The following RNGTT variants were observed in gnomAD, a reference collection of about 807,000 sequenced individuals.
RNGTT encodes the protein RNA guanylyltransferase and 5'-phosphatase.
In RNGTT, 33 loss-of-function variants were observed where a neutral mutation model predicts 79.3. That is an observed-to-expected ratio of 0.42 (90% confidence interval 0.32 to 0.56). RNGTT has a LOEUF of 0.56. Among genes scored for constraint, RNGTT ranks in the 20% least tolerant of loss-of-function variants. The probability of loss-of-function intolerance (pLI) is 0.17; values close to 1 mark genes in which losing one functional copy is unlikely to be tolerated. For synonymous variants in RNGTT, 222 were observed against 235.9 expected (o/e 0.94, Z 0.54); for missense variants, 497 against 739.1 (o/e 0.67, Z 3.80).
chr6:88,734,491 T>C (rs1406849), intron 13 of RNGTT, among the ~76,000 whole-genome samples: 19,773 of 152,180 alleles, frequency 0.13, 1,454 homozygotes, highest in Middle Eastern at 0.23. Context: ...TCACTTCAAC[T>C]GTTAAGGACC....
chr6:88,623,943 T>C (rs547917290), intron 14 of RNGTT, among the ~76,000 whole-genome samples: 1 of 152,130 alleles, frequency 6.6e-6, no homozygotes, highest in Admixed American at 6.5e-5. Context: ...AATTTCTATA[T>C]ACCAACAATG....
chr6:88,722,801 C>T (rs1776749593), intron 13 of RNGTT, among the ~76,000 whole-genome samples: 1 of 152,104 alleles, frequency 6.6e-6, no homozygotes, highest in South Asian at 2.1e-4. Flanking sequence ...CAAAGGTGGT[C>T]CCATAAGATT....
intron 11 of RNGTT, among the ~76,000 whole-genome samples, chr6:88,804,835 C>T (rs61659651): frequency 0.068 from 10,272 of 152,152 alleles, 1,157 homozygotes; most frequent in African/African-American, 0.23. Context: ...GCTGCTGTCT[C>T]TGATTTACAG....
At chr6:88,922,930 T>C (rs1006079376) in intron 4 of RNGTT, among the ~76,000 whole-genome samples, 4 of 152,256 alleles carry the variant, frequency 2.6e-5, no homozygotes, top group African/African-American at 4.8e-5. Flanking sequence ...CACTGTTCTA[T>C]GAAATGTTCC....
At chr6:88,769,014 G>T (rs1318911112) in intron 13 of RNGTT, among the ~76,000 whole-genome samples, 1 of 151,980 alleles carries the variant, frequency 6.6e-6, no homozygotes, top group Non-Finnish European at 1.5e-5. Flanking sequence ...AAGTAAAAAA[G>T]ACTTATTTCG....
chr6:88,936,171 A>C (rs1480162598), intron 2 of RNGTT, among the ~76,000 whole-genome samples: 1 of 152,272 alleles, frequency 6.6e-6, no homozygotes, highest in East Asian at 1.9e-4. Flanking sequence ...GCCTAAAGCA[A>C]ACCTCCCACC....
At chr6:88,948,522 G>C (rs1413379270) in intron 1 of RNGTT, among the ~76,000 whole-genome samples, 10 of 147,900 alleles carry the variant, frequency 6.8e-5, no homozygotes, top group Non-Finnish European at 1.5e-4. Context: ...CGGCCGCCCC[G>C]TCCGGGAGGT....
chr6:88,633,502 T>C (rs2127770324), intron 14 of RNGTT, among the ~76,000 whole-genome samples: 1 of 152,300 alleles, frequency 6.6e-6, no homozygotes, highest in South Asian at 2.1e-4. Flanking sequence ...TTGATAAGAA[T>C]ATCTTATTCT....
At chr6:88,722,661 C>G (rs1043530564) in intron 13 of RNGTT, among the ~76,000 whole-genome samples, 1 of 152,152 alleles carries the variant, frequency 6.6e-6, no homozygotes, top group African/African-American at 2.4e-5. Context: ...GGTTTTATTT[C>G]CAGGCTTTTG....
chr6:88,753,767 T>C (rs1412495189), intron 13 of RNGTT, among the ~76,000 whole-genome samples: 1 of 151,978 alleles, frequency 6.6e-6, no homozygotes, highest in African/African-American at 2.4e-5. Flanking sequence ...ATACATGATT[T>C]TATCTAAAAT....
chr6:88,926,770 A>G (rs189103584), intron 4 of RNGTT, among the ~76,000 whole-genome samples: 143 of 152,336 alleles, frequency 9.4e-4, no homozygotes, highest in African/African-American at 3.3e-3. Flanking sequence ...TAACAATACT[A>G]TCTACCTAAT....
intron 13 of RNGTT, among the ~76,000 whole-genome samples, chr6:88,701,774 C>T (rs1052635463): frequency 6.6e-6 from 1 of 152,062 alleles, no homozygotes; most frequent in Non-Finnish European, 1.5e-5. Context: ...GTAAGTACAA[C>T]TGGTAATCAA....
intron 11 of RNGTT, among the ~76,000 whole-genome samples, chr6:88,811,189 C>T (rs756294403): frequency 2.0e-5 from 3 of 152,152 alleles, no homozygotes; most frequent in Admixed American, 6.5e-5. Flanking sequence ...AACTAGGATA[C>T]AATCCTTTTC....
At chr6:88,696,201 G>A (rs1296072421) in intron 13 of RNGTT, among the ~76,000 whole-genome samples, 1 of 152,148 alleles carries the variant, frequency 6.6e-6, no homozygotes. Flanking sequence ...ATGTCAATTA[G>A]CTTGGTTTAA....
intron 14 of RNGTT, among the ~76,000 whole-genome samples, chr6:88,662,734 C>T (rs755218777): frequency 3.3e-5 from 5 of 152,240 alleles, no homozygotes; most frequent in Non-Finnish European, 5.9e-5. Flanking sequence ...AGCACTCTCG[C>T]GTAGGCAATT....
At chr6:88,860,292 C>A (rs1485219387) in intron 8 of RNGTT, among the ~76,000 whole-genome samples, 1 of 152,152 alleles carries the variant, frequency 6.6e-6, no homozygotes, top group Non-Finnish European at 1.5e-5. Context: ...AGCCATGGGG[C>A]ATTTAAGAAG....
intron 13 of RNGTT, among the ~76,000 whole-genome samples, chr6:88,735,565 G>GT (rs893231901): frequency 7.9e-6 from 1 of 126,344 alleles, no homozygotes; most frequent in Non-Finnish European, 1.7e-5. Flanking sequence ...TAACACGAGT[G>GT]TTAAAAAAAA....
intron 13 of RNGTT, among the ~76,000 whole-genome samples, chr6:88,761,806 AG>A (rs915657220): frequency 6.6e-6 from 1 of 152,146 alleles, no homozygotes; most frequent in African/African-American, 2.4e-5. Context: ...ATAGAAAAAA[AG>A]TGCTGACCCT....
At chr6:88,861,595 A>G (rs2127913760) in intron 8 of RNGTT, among the ~76,000 whole-genome samples, 1 of 152,270 alleles carries the variant, frequency 6.6e-6, no homozygotes, top group South Asian at 2.1e-4. Flanking sequence ...GAAAAAACGT[A>G]TTTCTCCTTC....
Sources: gnomAD v4.1 joint callset for allele counts (sites outside exome capture counted in the v4.1 genomes callset) on GRCh38, gnomAD v4.1.1 for gene constraint, MANE v1.5 for transcripts, NCBI Gene and HGNC (gene_info 2026-07-23, HGNC 2026-07-21) for gene names.